The following ZBTB38 variants were observed in gnomAD, a reference collection of about 807,000 sequenced individuals.
The protein encoded by ZBTB38 is zinc finger and BTB domain containing 38, also known as zinc finger and BTB domain-containing protein 38.
In ZBTB38, 20 loss-of-function variants were observed where a neutral mutation model predicts 76.8. The observed-to-expected ratio is 0.26, with a 90% confidence interval of 0.18 to 0.38. The LOEUF is 0.38. Ranked by LOEUF, ZBTB38 falls within the 10% of genes least tolerant of loss-of-function variation. ZBTB38 has a pLI of 1.00. For synonymous variants in ZBTB38, 504 were observed against 544.2 expected (o/e 0.93, Z 1.03); for missense variants, 1,082 against 1,482.3 (o/e 0.73, Z 4.43).
intron 1 of ZBTB38, among the ~76,000 whole-genome samples, chr3:141,347,914 T>C (rs1216662688): frequency 6.6e-6 from 1 of 152,246 alleles, no homozygotes; most frequent in African/African-American, 2.4e-5. Flanking sequence ...AGTCTCTATA[T>C]TATATTCCTT....
At chr3:141,415,218 G>A (rs1277368745) in intron 5 of ZBTB38, among the ~76,000 whole-genome samples, 2 of 152,116 alleles carry the variant, frequency 1.3e-5, no homozygotes, top group Non-Finnish European at 2.9e-5. Flanking sequence ...ACCTTTTCTG[G>A]AATCTGTCCT....
intron 1 of ZBTB38, among the ~76,000 whole-genome samples, chr3:141,335,052 A>C (rs889662585): frequency 1.3e-5 from 2 of 152,116 alleles, no homozygotes; most frequent in Admixed American, 1.3e-4. Context: ...TGCTGCCGAC[A>C]CTACCGCTTC....
intron 4 of ZBTB38, among the ~76,000 whole-genome samples, chr3:141,399,641 T>C (rs1951257699): frequency 6.6e-6 from 1 of 152,104 alleles, no homozygotes; most frequent in African/African-American, 2.4e-5. Context: ...ATTAACAGAG[T>C]GCTGCTAGTA....
intron 3 of ZBTB38, among the ~76,000 whole-genome samples, chr3:141,381,790 C>G (rs927420014): frequency 4.6e-5 from 7 of 151,774 alleles, no homozygotes; most frequent in African/African-American, 1.7e-4. Context: ...GACTTGGAGT[C>G]CAGCTCTTGG....
At chr3:141,369,102 A>G (rs1944169806) in intron 1 of ZBTB38, among the ~76,000 whole-genome samples, 1 of 150,486 alleles carries the variant, frequency 6.6e-6, no homozygotes, top group South Asian at 2.1e-4. Context: ...TCCTCCCCTC[A>G]CCTGAGTATT....
At chr3:141,416,484 C>G (rs2074080841) in intron 5 of ZBTB38, among the ~76,000 whole-genome samples, 2 of 152,144 alleles carry the variant, frequency 1.3e-5, no homozygotes, top group South Asian at 2.1e-4. Flanking sequence ...CTCCCTTCCT[C>G]TCTTCTTCCT....
intron 1 of ZBTB38, among the ~76,000 whole-genome samples, chr3:141,333,355 C>G (rs560293564): frequency 6.6e-6 from 1 of 152,148 alleles, no homozygotes; most frequent in South Asian, 2.1e-4. Context: ...GTTGGTTGCT[C>G]ACTCCAGGCC....
At chr3:141,428,767 C>T (rs891977970) in intron 5 of ZBTB38, among the ~76,000 whole-genome samples, 21 of 152,142 alleles carry the variant, frequency 1.4e-4, no homozygotes, top group Admixed American at 9.8e-4. Flanking sequence ...TGAGCCAAGG[C>T]GCCCGGCCAG....
intron 3 of ZBTB38, chr3:141,384,945 C>CT (rs1229570155): frequency 6.6e-6 from 1 of 152,220 alleles, no homozygotes; most frequent in Non-Finnish European, 1.5e-5. Flanking sequence ...GGGCAGGGTA[C>CT]ATTCCATACA....
chr3:141,392,112 T>C (rs915875795), intron 4 of ZBTB38, among the ~76,000 whole-genome samples: 1 of 152,218 alleles, frequency 6.6e-6, no homozygotes, highest in Non-Finnish European at 1.5e-5. Context: ...CTAAAATTGA[T>C]TCATTACTTA....
At chr3:141,437,329 A>G (rs532232850) in intron 5 of ZBTB38, among the ~76,000 whole-genome samples, 2 of 152,266 alleles carry the variant, frequency 1.3e-5, no homozygotes, top group South Asian at 2.1e-4. Flanking sequence ...GATCCAGTAC[A>G]TACCACGTCC....
chr3:141,416,276 T>G (rs1320698016), intron 5 of ZBTB38, among the ~76,000 whole-genome samples: 1 of 152,248 alleles, frequency 6.6e-6, no homozygotes, highest in Non-Finnish European at 1.5e-5. Flanking sequence ...TTTTCAGCCC[T>G]TCCAAGTTCT....
rs1239143174 is a variant in ZBTB38 at position 141,384,711 on chromosome 3, A to G, written c.-171-2161A>G. On this transcript the variant is annotated intron_variant, in intron 3 of 5. Coordinates refer to ENST00000321464, the MANE Select transcript of ZBTB38 (RefSeq NM_001376113.1). ...CCATTCTAATTTTCTGACGCTGTCA[A>G]TGCTAACCAGAGCTCATAGAGCAAT... 4.6e-5 allele frequency: 7 copies of G among 152,382 alleles called. 1 individual carries two copies. Among genetic ancestry groups the G allele is most frequent in the Admixed American group, 4.6e-4 (7 of 15,300 alleles). 9.4% of individuals were successfully genotyped at this position (152,382 alleles called of 1,614,324 possible).
intron 5 of ZBTB38, among the ~76,000 whole-genome samples, chr3:141,433,566 T>C (rs1413380501): frequency 6.6e-6 from 1 of 152,182 alleles, no homozygotes; most frequent in African/African-American, 2.4e-5. Flanking sequence ...TATTAACTGA[T>C]GGAAAATGAC....
chr3:141,429,439 G>T (rs546545108), intron 5 of ZBTB38, among the ~76,000 whole-genome samples: 19 of 152,282 alleles, frequency 1.2e-4, no homozygotes, highest in African/African-American at 4.6e-4. Context: ...ACAGCAGCAG[G>T]TTGCTTTTTT....
In ZBTB38 at chr3:141,443,780, G is replaced by T; in HGVS notation, c.1392G>T (p.Val464=). ...GGCAAATGCTCTACAGTTGCGTTGTGTGCAAACGTAGTTATGTGACCTTAT... is the reference window on the plus strand; with the variant it reads ...GGCAAATGCTCTACAGTTGCGTTGTTTGCAAACGTAGTTATGTGACCTTAT... ...VNGQMLYSCV[V]CKRSYVTLSS... is the part of the protein sequence containing the mutation. The change falls in exon 6 of 6, where the codon GTG becomes GTT. Residue 464 remains valine (V), a synonymous_variant. Coordinates refer to ENST00000321464, the MANE Select transcript of ZBTB38 (RefSeq NM_001376113.1). The surrounding 1 kb of genome is among the most constrained non-coding windows in gnomAD (Gnocchi z 5.6). The T allele has an allele frequency of 6.2e-7, 1 of 1,613,946 alleles. No homozygotes were observed. The highest frequency in any genetic ancestry group is 8.5e-7 in the Non-Finnish European group (1 of 1,180,048).
chr3:141,365,790 TA>T (rs371816032), upstream of ZBTB38, among the ~76,000 whole-genome samples: 684 of 151,168 alleles, frequency 4.5e-3, 15 homozygotes, highest in East Asian at 0.074. Flanking sequence ...CAAAAAGTGT[TA>T]AAAAAAAATA....
chr3:141,424,557 C>T (rs73238073), intron 5 of ZBTB38, among the ~76,000 whole-genome samples: 6,045 of 152,034 alleles, frequency 0.04, 172 homozygotes, highest in Middle Eastern at 0.11. Context: ...ATTCCTTTTT[C>T]CATTTGCTTA....
At chr3:141,415,499 C>G (rs567060812) in intron 5 of ZBTB38, among the ~76,000 whole-genome samples, 7 of 152,274 alleles carry the variant, frequency 4.6e-5, no homozygotes, top group African/African-American at 1.7e-4. Flanking sequence ...AAATACAGAG[C>G]CTCGAGCCCT....
Sources: gnomAD v4.1 joint callset for allele counts (sites outside exome capture counted in the v4.1 genomes callset) on GRCh38, gnomAD v4.1.1 for gene constraint, Gnocchi (gnomAD v3.1) non-coding constraint, MANE v1.5 for transcripts, NCBI Gene and HGNC (gene_info 2026-07-23, HGNC 2026-07-21) for gene names.